CNTNAP2: variants seen among roughly 807,000 people sequenced by gnomAD.
CNTNAP2 encodes the protein contactin-associated protein-like 2.
Under a neutral mutation model 155.2 loss-of-function variants are expected in CNTNAP2, and 98 were observed. That is an observed-to-expected ratio of 0.63 (90% CI 0.54 to 0.75). CNTNAP2 has a LOEUF of 0.75. Among genes scored for constraint, CNTNAP2 ranks in the 30% least tolerant of loss-of-function variants. The pLI, the probability that CNTNAP2 is intolerant of heterozygous loss-of-function variation, is 0.00. For synonymous variants in CNTNAP2, 651 were observed against 631.2 expected (o/e 1.03, Z -0.47); for missense variants, 1,727 against 1,688.1 (o/e 1.02, Z -0.40).
intron 1 of CNTNAP2, among the ~76,000 whole-genome samples, chr7:146,630,474 T>A (rs1393989203): frequency 1.3e-5 from 2 of 152,154 alleles, no homozygotes; most frequent in African/African-American, 4.8e-5. Context: ...AGTAGAATGA[T>A]TTATAATCCT....
intron 3 of CNTNAP2, among the ~76,000 whole-genome samples, chr7:146,931,136 C>T (rs1395206246): frequency 0.011 from 1,570 of 149,390 alleles, 22 homozygotes; most frequent in African/African-American, 0.037. Flanking sequence ...AATATACATT[C>T]TTTTCAGCAC....
chr7:148,313,210 A>G lies in CNTNAP2; in HGVS notation c.3475+46084A>G, dbSNP rs565981642. Among the ~76,000 whole-genome samples, 231 of 150,728 alleles carry G rather than the reference A, an allele frequency of 1.5e-3. 1 individual carries two copies. The highest frequency in any genetic ancestry group is 5.2e-3 in the African/African-American group (214 of 41,066). On this transcript the variant is annotated intron_variant, in intron 21 of 23. Transcript: ENST00000361727. ...AGGTAATGTGGAGTGGGTAGCCTCC[A>G]TATTGATTAAGAAGGGGACAGACTT...
At chr7:147,365,536 TC>T (rs1796216752) in intron 9 of CNTNAP2, among the ~76,000 whole-genome samples, 1 of 152,044 alleles carries the variant, frequency 6.6e-6, no homozygotes, top group East Asian at 1.9e-4. Context: ...ATTTCCCCCA[TC>T]TTTTTGAATG....
At chr7:147,419,692 A>C (rs187270557) in intron 10 of CNTNAP2, among the ~76,000 whole-genome samples, 53 of 152,274 alleles carry the variant, frequency 3.5e-4, no homozygotes, top group Admixed American at 7.2e-4. Context: ...TTTCCCATTT[A>C]GATTATCTAC....
chr7:146,956,196 A>G (rs918663964), intron 3 of CNTNAP2, among the ~76,000 whole-genome samples: 8 of 152,124 alleles, frequency 5.3e-5, no homozygotes, highest in African/African-American at 1.7e-4. Flanking sequence ...TTGGTATTAA[A>G]AAATGAAGAT....
intron 1 of CNTNAP2, among the ~76,000 whole-genome samples, chr7:146,616,878 ATTAGATACAGTTTAT>A (rs1799233747): frequency 6.6e-6 from 1 of 152,168 alleles, no homozygotes; most frequent in South Asian, 2.1e-4. Flanking sequence ...CATTGATGAG[ATTAGATACAGTTTAT>A]TCCATAGAAA....
intron 1 of CNTNAP2, among the ~76,000 whole-genome samples, chr7:146,300,342 G>A (rs1800585587): frequency 6.6e-6 from 1 of 151,390 alleles, no homozygotes; most frequent in Admixed American, 6.6e-5. Context: ...CACTTTTTAT[G>A]TGGTGGACAT....
chr7:146,648,278 G>A (rs540672729), intron 1 of CNTNAP2, among the ~76,000 whole-genome samples: 1 of 152,174 alleles, frequency 6.6e-6, no homozygotes, highest in South Asian at 2.1e-4. Context: ...TATTTTCCAA[G>A]CATATAGGGG....
At chr7:147,477,442 A>G (rs1476859155) in intron 10 of CNTNAP2, among the ~76,000 whole-genome samples, 1 of 152,016 alleles carries the variant, frequency 6.6e-6, no homozygotes, top group Non-Finnish European at 1.5e-5. Flanking sequence ...GTCTCATTCT[A>G]CTCCAGGTTT....
intron 1 of CNTNAP2, among the ~76,000 whole-genome samples, chr7:146,547,158 C>T (rs557512897): frequency 6.6e-6 from 1 of 151,896 alleles, no homozygotes; most frequent in East Asian, 1.9e-4. Context: ...CTCCCAATGG[C>T]ATCTTTGTTT....
At chr7:147,580,481 A>T (rs1473150957) in intron 12 of CNTNAP2, among the ~76,000 whole-genome samples, 4 of 152,066 alleles carry the variant, frequency 2.6e-5, no homozygotes, top group African/African-American at 7.2e-5. Flanking sequence ...AAATGCTGAA[A>T]TTTTTTTTAA....
intron 4 of CNTNAP2, among the ~76,000 whole-genome samples, chr7:147,058,300 G>A (rs75003909): frequency 0.065 from 9,827 of 152,138 alleles, 418 homozygotes; most frequent in Middle Eastern, 0.13. Flanking sequence ...TGCTAAAAAA[G>A]TAGACATTCA....
At chr7:148,189,272 A>T (rs192925725) in intron 18 of CNTNAP2, among the ~76,000 whole-genome samples, 193 of 152,224 alleles carry the variant, frequency 1.3e-3, no homozygotes, top group Non-Finnish European at 2.0e-3. Context: ...GGATTTCAAA[A>T]TTTTTTTGAA....
At chr7:146,220,865 G>T (rs1426653064) in intron 1 of CNTNAP2, among the ~76,000 whole-genome samples, 1 of 152,170 alleles carries the variant, frequency 6.6e-6, no homozygotes, top group Non-Finnish European at 1.5e-5. Context: ...ACTGAAAAGA[G>T]AACAAGAGAT....
rs539162884 is a variant in CNTNAP2, at chr7:148,071,625, G to A, written c.2384-46493G>A. Among the ~76,000 whole-genome samples the A allele has an allele frequency of 2.0e-4, 30 of 152,270 alleles. No homozygotes were observed. In the South Asian group the frequency reaches 2.3e-3, roughly 12 times the overall value. On this transcript the variant is annotated intron_variant, in intron 15 of 23. Transcript: ENST00000361727. ...ATGGAATTCCTAGACAGACAGCTTC[G>A]CAGGCAGTATTGCCATTCAGTATCA...
chr7:146,582,991 C>G (rs528249813), intron 1 of CNTNAP2, among the ~76,000 whole-genome samples: 9 of 151,308 alleles, frequency 5.9e-5, no homozygotes, highest in African/African-American at 2.2e-4. Flanking sequence ...CGAGGCAACA[C>G]TATGGCATTT....
At chr7:148,415,268 T>G (rs1387201229) in intron 23 of CNTNAP2, 149 bp from the exon 24 acceptor site, 1 of 843,488 alleles carries the variant, frequency 1.2e-6, no homozygotes, top group African/African-American at 1.7e-5. Flanking sequence ...AACAGACATC[T>G]TACTTCATTT....
At chr7:146,461,420 A>ATAT (rs755731022) in intron 1 of CNTNAP2, among the ~76,000 whole-genome samples, 2 of 150,748 alleles carry the variant, frequency 1.3e-5, no homozygotes, top group African/African-American at 4.9e-5. Flanking sequence ...AAAAAAATAT[A>ATAT]ATAATAATAA....
intron 8 of CNTNAP2, among the ~76,000 whole-genome samples, chr7:147,271,352 T>C (rs1043689535): frequency 1.3e-5 from 2 of 152,194 alleles, no homozygotes; most frequent in Non-Finnish European, 2.9e-5. Context: ...TTTTGCAGCA[T>C]GATGTCTAAT....
Sources: gnomAD v4.1 joint callset for allele counts (sites outside exome capture counted in the v4.1 genomes callset) on GRCh38, gnomAD v4.1.1 for gene constraint, MANE v1.5 for transcripts, NCBI Gene and HGNC (gene_info 2026-07-23, HGNC 2026-07-21) for gene names.